Variants in XKR4 observed in about 807,000 individuals in gnomAD.
The protein encoded by XKR4 is XK-related protein 4.
In XKR4, 12 loss-of-function variants were observed where a neutral mutation model predicts 53.9. The ratio of observed to expected loss-of-function variants is 0.22; its 90% CI spans 0.14 to 0.36. The LOEUF (loss-of-function observed/expected upper bound fraction) is 0.36, where lower values mean the gene tolerates loss of function less well. XKR4 is among the 10% of genes least tolerant of loss of function. The pLI is 1.00. For missense variants in XKR4, 799 were observed against 859.5 expected (o/e 0.93, Z 0.88); for synonymous variants, 354 against 362.4 (o/e 0.98, Z 0.26).
At chr8:55,320,130 A>G (rs1803184586) in intron 1 of XKR4, among the ~76,000 whole-genome samples, 1 of 152,242 alleles carries the variant, frequency 6.6e-6, no homozygotes, top group African/African-American at 2.4e-5. Flanking sequence ...ATATTACGTT[A>G]GGCAGGCTAG....
chr8:55,541,909 G>A lies in XKR4; in HGVS notation c.*17682G>A, dbSNP rs552696127. 2.6e-5 allele frequency: 4 copies of A among 152,032 alleles called. No homozygotes were observed. The South Asian group carries it at 6.2e-4, about 24-fold the overall frequency. 9.4% of individuals were successfully genotyped at this position (152,032 alleles called of 1,614,324 possible). ...TGTGTGGAGTATTTGATGTACTACAGTACCATAGTTATTTTGGTCTGTTAA... is the reference window on the plus strand; with the variant it reads ...TGTGTGGAGTATTTGATGTACTACAATACCATAGTTATTTTGGTCTGTTAA... On this transcript the variant is annotated 3_prime_UTR_variant, in exon 3 of 3. Coordinates refer to ENST00000327381, the MANE Select transcript of XKR4 (RefSeq NM_052898.2).
chr8:55,247,819 T>G (rs1818303746), intron 1 of XKR4, among the ~76,000 whole-genome samples: 1 of 135,416 alleles, frequency 7.4e-6, no homozygotes, highest in South Asian at 2.4e-4. Flanking sequence ...CTTACATTAT[T>G]AATTTTAATT....
chr8:55,401,110 G>A (rs1490739592), intron 2 of XKR4, among the ~76,000 whole-genome samples: 2 of 152,196 alleles, frequency 1.3e-5, no homozygotes, highest in East Asian at 3.9e-4. Context: ...AGTAACCGTG[G>A]AGACACGCAG....
intron 2 of XKR4, among the ~76,000 whole-genome samples, chr8:55,381,869 T>G (rs1291123758): frequency 6.6e-6 from 1 of 152,204 alleles, no homozygotes; most frequent in African/African-American, 2.4e-5. Flanking sequence ...ACACATGGAA[T>G]GTGTATTCTT....
Position 55,523,501 on chromosome 8 carries a change from G to T in XKR4, c.1227G>T (p.Trp409Cys). The change falls in exon 3 of 3, where the codon TGG becomes TGT. Residue 409 changes from tryptophan (W) to cysteine (C), a missense_variant. Around this residue, in one of 3 missense-constraint regions of XKR4, gnomAD observed 54 missense variants for 89.7 expected, o/e 0.60. Transcript: ENST00000327381. The part of the protein sequence containing the change: ...LYFGIFIVLH[W>C]CIMTFWIVHC... ...TTGGGATCTTCATCGTCCTTCACTG[G>T]TGCATCATGACCTTCTGGATCGTCC... The T allele has an allele frequency of 6.2e-7, 1 of 1,614,152 alleles. No individual in the cohort carries two copies. The highest frequency in any genetic ancestry group is 8.5e-7 in the Non-Finnish European group (1 of 1,180,016).
intron 1 of XKR4, among the ~76,000 whole-genome samples, chr8:55,258,820 A>T (rs1246944545): frequency 6.6e-6 from 1 of 152,156 alleles, no homozygotes; most frequent in Non-Finnish European, 1.5e-5. Flanking sequence ...CCAAGCCCCA[A>T]ACTCAAAAGT....
Position 55,338,153 on chromosome 8 carries a change from A to G in XKR4, c.807-19525A>G, listed in dbSNP as rs188297498. On this transcript the variant is annotated intron_variant, in intron 1 of 2. Transcript: ENST00000327381. ...TATTAGAGAAATCTTCTCTTTAAAA[A>G]AGAATCTGTTTTTTAAAATGCTAAT... Among the ~76,000 whole-genome samples, 339 of 152,366 alleles carry G rather than the reference A, an allele frequency of 2.2e-3. 1 individual carries two copies. Among genetic ancestry groups the G allele is most frequent in the African/African-American group, 7.7e-3 (321 of 41,586 alleles).
intron 2 of XKR4, chr8:55,517,503 G>A (rs1490200454): frequency 6.6e-6 from 1 of 152,148 alleles, no homozygotes; most frequent in Non-Finnish European, 1.5e-5. Context: ...GCTAGAAAAG[G>A]TTTCCCAAAG....
intron 1 of XKR4, among the ~76,000 whole-genome samples, chr8:55,232,467 T>C (rs913097686): frequency 3.3e-5 from 5 of 152,290 alleles, no homozygotes; most frequent in South Asian, 4.1e-4. Flanking sequence ...TGAAACTTTT[T>C]CCCCAAGATA....
chr8:55,222,409 A>G (rs1257139323), intron 1 of XKR4, among the ~76,000 whole-genome samples: 1 of 152,258 alleles, frequency 6.6e-6, no homozygotes, highest in Non-Finnish European at 1.5e-5. Context: ...TTAAAAAAAT[A>G]CTATATGAAG....
At chr8:55,117,457 T>C (rs879626554) in intron 1 of XKR4, among the ~76,000 whole-genome samples, 4 of 152,244 alleles carry the variant, frequency 2.6e-5, no homozygotes, top group Non-Finnish European at 5.9e-5. Context: ...AGCAACATGC[T>C]GTGCTTATTT....
chr8:55,107,964 A>G (rs1470993330), intron 1 of XKR4, among the ~76,000 whole-genome samples: 1 of 152,242 alleles, frequency 6.6e-6, no homozygotes, highest in Admixed American at 6.5e-5. Flanking sequence ...AATAACATAT[A>G]TATATTTCAA....
intron 2 of XKR4, among the ~76,000 whole-genome samples, chr8:55,366,840 C>T (rs1264390069): frequency 1.3e-5 from 2 of 152,152 alleles, no homozygotes; most frequent in Admixed American, 6.5e-5. Flanking sequence ...AGTTTTTCCT[C>T]ACTCCTGCAT....
chr8:55,121,850 ACAC>A (rs1585889513), intron 1 of XKR4, among the ~76,000 whole-genome samples: 1 of 151,910 alleles, frequency 6.6e-6, no homozygotes, highest in Non-Finnish European at 1.5e-5. Context: ...ACACACACAC[ACAC>A]ACACACACAC....
chr8:55,151,420 G>T (rs889666427), intron 1 of XKR4, among the ~76,000 whole-genome samples: 1 of 152,152 alleles, frequency 6.6e-6, no homozygotes, highest in Non-Finnish European at 1.5e-5. Flanking sequence ...GCAAACTTCT[G>T]TCTCTCCTCA....
intron 2 of XKR4, among the ~76,000 whole-genome samples, chr8:55,421,272 T>C (rs1357318092): frequency 8.0e-6 from 1 of 124,264 alleles, no homozygotes; most frequent in Admixed American, 7.4e-5. Flanking sequence ...TTAAGCAAAT[T>C]TCCCAGGGTC....
intron 2 of XKR4, among the ~76,000 whole-genome samples, chr8:55,373,436 G>A (rs1301641600): frequency 6.6e-6 from 1 of 152,112 alleles, no homozygotes; most frequent in Non-Finnish European, 1.5e-5. Flanking sequence ...CAAAGTACTA[G>A]GATTACAGGC....
chr8:55,328,685 T>C (rs1405208024), intron 1 of XKR4, among the ~76,000 whole-genome samples: 11 of 152,154 alleles, frequency 7.2e-5, no homozygotes, highest in Non-Finnish European at 1.6e-4. Context: ...TCGCTCATAG[T>C]GATGCCACCG....
At chr8:55,329,727 G>A (rs1046116569) in intron 1 of XKR4, among the ~76,000 whole-genome samples, 19 of 152,200 alleles carry the variant, frequency 1.2e-4, no homozygotes, top group Admixed American at 1.1e-3. Context: ...ATAAGGCTTT[G>A]TTTAATCCAC....
Sources: gnomAD v4.1 joint callset for allele counts (sites outside exome capture counted in the v4.1 genomes callset) on GRCh38, gnomAD v4.1.1 for gene constraint, gnomAD v4.1.1 regional missense constraint, MANE v1.5 for transcripts, NCBI Gene and HGNC (gene_info 2026-07-23, HGNC 2026-07-21) for gene names.